Variants in MEIOSIN observed in about 807,000 individuals in gnomAD.
MEIOSIN encodes meiosis initiator.
Under a neutral mutation model 23.4 loss-of-function variants are expected in MEIOSIN, and 18 were observed. That is an observed-to-expected ratio of 0.77 (90% CI 0.53 to 1.14). MEIOSIN has a LOEUF of 1.14. Ranked by LOEUF, MEIOSIN falls within the 50% of genes most tolerant of loss-of-function variation. MEIOSIN has a pLI of 0.00. For synonymous variants in MEIOSIN, 187 were observed against 100.6 expected (o/e 1.86, Z -5.14); for missense variants, 428 against 242.9 (o/e 1.76, Z -5.07).
At chr19:45,745,377 C>G in intron 4 of MEIOSIN, 56 bp downstream of exon 4, 1 of 680,192 alleles carries the variant, frequency 1.5e-6, no homozygotes, top group South Asian at 1.6e-5. Context: ...TAAATAGCAG[C>G]AAATGGGTCA....
At chr19:45,736,629 C>T (rs1449798090) in intron 2 of MEIOSIN, among the ~76,000 whole-genome samples, 2 of 152,114 alleles carry the variant, frequency 1.3e-5, no homozygotes, top group South Asian at 2.1e-4. Context: ...AGTGCAGTGG[C>T]GTCATCTGGG....
chr19:45,736,713 C>T (rs1466058646), intron 2 of MEIOSIN, among the ~76,000 whole-genome samples: 3 of 151,786 alleles, frequency 2.0e-5, no homozygotes, highest in East Asian at 1.9e-4. Flanking sequence ...GGACTACAGG[C>T]GCCCACCACC....
intron 4 of MEIOSIN, among the ~76,000 whole-genome samples, chr19:45,748,906 T>G (rs1276994301): frequency 6.8e-6 from 1 of 147,436 alleles, no homozygotes; most frequent in Non-Finnish European, 1.5e-5. Flanking sequence ...TTGTCTCTAC[T>G]AAAAATACAA....
chr19:45,734,114 A>G (rs1488423911), intron 1 of MEIOSIN, among the ~76,000 whole-genome samples: 8 of 152,146 alleles, frequency 5.3e-5, no homozygotes, highest in Non-Finnish European at 1.2e-4. Context: ...TTTAGGGCCT[A>G]AATCCCAATG....
intron 2 of MEIOSIN, among the ~76,000 whole-genome samples, chr19:45,737,920 C>CAAAA (rs747764457): frequency 8.0e-6 from 1 of 124,298 alleles, no homozygotes. Flanking sequence ...AACTCTGTCT[C>CAAAA]AAAAAAAAAA....
rs1296172330 is a variant in MEIOSIN, at chr19:45,754,497, C to T, written c.575C>T (p.Pro192Leu). 1.6e-5 allele frequency: 11 copies of T among 702,726 alleles called. No individual in the cohort carries two copies. The highest frequency in any genetic ancestry group is 5.4e-5 in the East Asian group (2 of 37,296). The allele number at this position is 702,726 out of a possible 1,614,324, so 43.5% of individuals were successfully genotyped here. The part of the protein sequence containing the change: ...TQASESQTRT[P>L]KPRRSLALNK... ...CCCCCAGAAAGCCAGACTCGGACCC[C>T]GAAGCCTCGCCGCTCTCTGGCCCTG... Residue 192 changes from proline (P) to leucine (L), a missense_variant, in exon 7 of 15, where the codon CCG becomes CTG. By Grantham distance (98) the Pro-to-Leu change is moderately conservative. Coordinates refer to ENST00000457052, the MANE Select transcript of MEIOSIN (RefSeq NM_001310124.2).
intron 2 of MEIOSIN, among the ~76,000 whole-genome samples, chr19:45,735,742 T>A (rs1968398755): frequency 6.6e-6 from 1 of 152,110 alleles, no homozygotes; most frequent in Admixed American, 6.6e-5. Flanking sequence ...AGTGTTGCGA[T>A]CCCAGCTCAC....
chr19:45,755,122 G>A (rs1374481250), intron 7 of MEIOSIN, among the ~76,000 whole-genome samples: 4 of 151,542 alleles, frequency 2.6e-5, no homozygotes, highest in Admixed American at 6.6e-5. Context: ...AAGTCATCTC[G>A]TTCCTCTATT....
intron 4 of MEIOSIN, 78 bp from the exon 5 acceptor site, chr19:45,750,597 G>A: frequency 4.8e-6 from 2 of 416,330 alleles, no homozygotes; most frequent in Non-Finnish European, 8.7e-6. Context: ...CTGACCTCAT[G>A]ATCCGCCCAC....
At chr19:45,743,607 T>A (rs982880837) in intron 3 of MEIOSIN, among the ~76,000 whole-genome samples, 3 of 152,088 alleles carry the variant, frequency 2.0e-5, no homozygotes, top group Non-Finnish European at 4.4e-5. Flanking sequence ...CTGCAACCTG[T>A]GCCTCCTAGG....
intron 4 of MEIOSIN, among the ~76,000 whole-genome samples, 174 bp downstream of exon 4, chr19:45,745,495 C>T (rs1968577095): frequency 6.6e-6 from 1 of 152,018 alleles, no homozygotes. Context: ...TAACTAGGTG[C>T]CTGGAGGATC....
Position 45,746,398 on chromosome 19 carries a change from G to A in MEIOSIN, c.306+1077G>A, listed in dbSNP as rs1462703440. On this transcript the variant is annotated intron_variant, in intron 4 of 14. Coordinates refer to ENST00000457052, the MANE Select transcript of MEIOSIN (RefSeq NM_001310124.2). Reference sequence around the variant, plus strand: ...CCTTGACCCATCATGGTCCCTCAAAGCCAGCATGGAAGCATCTTCAAATGT... The same window carrying A: ...CCTTGACCCATCATGGTCCCTCAAAACCAGCATGGAAGCATCTTCAAATGT... 3.3e-5 allele frequency among the ~76,000 whole-genome samples: 5 copies of A among 152,260 alleles called. No individual in the cohort carries two copies. The East Asian group carries it at 9.7e-4, about 29-fold the overall frequency.
intron 5 of MEIOSIN, among the ~76,000 whole-genome samples, chr19:45,753,311 G>A (rs530312955): frequency 5.4e-4 from 82 of 152,138 alleles, no homozygotes; most frequent in Non-Finnish European, 6.6e-4. Flanking sequence ...TGAGGGGGTC[G>A]GCTAGGAGAC....
At chr19:45,763,137 C>T (rs1005112292) in intron 13 of MEIOSIN, among the ~76,000 whole-genome samples, 6 of 152,300 alleles carry the variant, frequency 3.9e-5, no homozygotes, top group African/African-American at 1.2e-4. Flanking sequence ...GGGCCAGGAG[C>T]GGTGCCCACA....
intron 3 of MEIOSIN, among the ~76,000 whole-genome samples, chr19:45,740,749 C>CAATAATAAT (rs201482275): frequency 2.5e-4 from 35 of 140,084 alleles, no homozygotes; most frequent in Middle Eastern, 3.6e-3. Context: ...GACTCCATCT[C>CAATAATAAT]AATAATAATA....
chr19:45,744,350 A>G (rs927163828), intron 3 of MEIOSIN, among the ~76,000 whole-genome samples: 1 of 151,930 alleles, frequency 6.6e-6, no homozygotes, highest in Non-Finnish European at 1.5e-5. Flanking sequence ...ACACCAAGCA[A>G]CACTTTTTTC....
intron 2 of MEIOSIN, among the ~76,000 whole-genome samples, chr19:45,737,800 T>C (rs1159556531): frequency 6.6e-6 from 1 of 151,554 alleles, no homozygotes; most frequent in Non-Finnish European, 1.5e-5. Flanking sequence ...GGGCATGATA[T>C]AATCCCAGCT....
At chr19:45,752,635 G>A (rs1288772314) in intron 5 of MEIOSIN, among the ~76,000 whole-genome samples, 1 of 152,108 alleles carries the variant, frequency 6.6e-6, no homozygotes, top group Non-Finnish European at 1.5e-5. Flanking sequence ...TTATAGGAGT[G>A]GGCCACCAAG....
At chr19:45,736,411 A>G (rs1484364730) in intron 2 of MEIOSIN, among the ~76,000 whole-genome samples, 1 of 151,968 alleles carries the variant, frequency 6.6e-6, no homozygotes, top group Non-Finnish European at 1.5e-5. Context: ...CCCAGGCTGT[A>G]GAGTGCAGTG....
Sources: allele counts gnomAD v4.1 joint callset (sites outside exome capture counted in the v4.1 genomes callset), GRCh38; gene constraint gnomAD v4.1.1; transcripts MANE v1.5; gene names NCBI Gene and HGNC (gene_info 2026-07-23, HGNC 2026-07-21).